Variants in ZNF792 observed in about 807,000 individuals in gnomAD.
ZNF792 encodes zinc finger protein 792.
A neutral mutation model predicts 13.1 loss-of-function variants in ZNF792; 14 were observed. That is an observed-to-expected ratio of 1.07 (90% confidence interval 0.71 to 1.67). The LOEUF (loss-of-function observed/expected upper bound fraction) is 1.67, where lower values mean the gene tolerates loss of function less well. Among genes scored for constraint, ZNF792 ranks in the 40% most tolerant of loss-of-function variants. The probability of loss-of-function intolerance (pLI) is 0.00; values close to 1 mark genes in which losing one functional copy is unlikely to be tolerated. For synonymous variants in ZNF792, 257 were observed against 292.0 expected, an observed-to-expected ratio of 0.88 and a Z score of 1.22; for missense variants, 740 against 807.9, an observed-to-expected ratio of 0.92 and a Z score of 1.02.
At chr19:34,960,123 G>C in intron 3 of ZNF792, 112 bp downstream of exon 3, 1 of 1,452,762 alleles carries the variant, frequency 6.9e-7, no homozygotes, top group Non-Finnish European at 9.4e-7. Context: ...GCAGAGACGT[G>C]GTCTGGCTAC....
Position 34,958,760 on chromosome 19 carries a change from T to G in ZNF792, c.1095A>C (p.Pro365=). Residue 365 remains proline, a synonymous_variant, in exon 4 of 4, where the codon CCA becomes CCC. Transcript: ENST00000404801. ...ACTTCCCACAGTCGCTGCACTCATA[T>G]GGCTTTTCACCAGTGTGAACCCTCT... ...QHKRVHTGEK[P]YECSDCGKFF... 1.9e-6 allele frequency: 3 copies of G among 1,613,646 alleles called. No homozygotes were observed. Among genetic ancestry groups the G allele is most frequent in the Non-Finnish European group, 2.5e-6 (3 of 1,179,870 alleles).
In ZNF792 at chr19:34,960,988, C is replaced by T. The variant is rs745817323; in HGVS notation, c.40G>A (p.Val14Met). The T allele has an allele frequency of 1.1e-5, 18 of 1,612,722 alleles. No individual in the cohort carries two copies. In the East Asian group the frequency reaches 1.3e-4, roughly 12 times the overall value. Residue 14 changes from valine to methionine, a missense_variant, in exon 2 of 4, where the codon GTG (valine) becomes ATG (methionine). Coordinates refer to ENST00000404801, the MANE Select transcript of ZNF792 (RefSeq NM_175872.5). Reference sequence around the variant, plus strand: ...TAAATGGTCACGTCCTCAAAGGTCACGCAGCCCTGCCATGATGGGGACAGT... The same window carrying T: ...TAAATGGTCACGTCCTCAAAGGTCATGCAGCCCTGCCATGATGGGGACAGT... ...AALRDPAQGC[V>M]TFEDVTIYFS...
Position 34,963,750 on chromosome 19 carries a change from C to T in ZNF792, c.-88G>A. On this transcript the variant is annotated 5_prime_UTR_variant, in exon 1 of 4. Transcript: ENST00000404801. ...CTCGCAGGCTGAGGCTACCACCCACCTGGCCGTGCCCCAGACGAGGTGTGA... is the reference window on the plus strand; with the variant it reads ...CTCGCAGGCTGAGGCTACCACCCACTTGGCCGTGCCCCAGACGAGGTGTGA... 7.2e-7 allele frequency: 1 copy of T among 1,394,148 alleles called. No homozygotes were observed. The highest frequency in any genetic ancestry group is 9.6e-7 in the Non-Finnish European group (1 of 1,041,716). The allele number at this position is 1,394,148 out of a possible 1,614,324, so 86.4% of individuals were successfully genotyped here. A position where few individuals can be genotyped will look rare whatever the true frequency, so the allele number is the denominator to read the frequency against.
At chr19:34,962,020 A>G (rs2013534956) in intron 1 of ZNF792, among the ~76,000 whole-genome samples, 1 of 151,972 alleles carries the variant, frequency 6.6e-6, no homozygotes, top group African/African-American at 2.4e-5. Context: ...CCCCTCCATC[A>G]CCACCATGAC....
chr19:34,963,665 G>A lies in ZNF792; in HGVS notation c.-3C>T, dbSNP rs1449150409. On this transcript the variant is annotated 5_prime_UTR_variant, in exon 1 of 4. Coordinates refer to ENST00000404801, the MANE Select transcript of ZNF792 (RefSeq NM_175872.5). ...TCCCGCAGCGCCGCCGCTGCCATCGGAGTCTGTGGTCAGAGCAGGGCCCCA... is the reference window on the plus strand; with the variant it reads ...TCCCGCAGCGCCGCCGCTGCCATCGAAGTCTGTGGTCAGAGCAGGGCCCCA... The A allele has an allele frequency of 2.5e-6, 4 of 1,601,884 alleles. No homozygotes were observed. The African/African-American group carries it at 5.4e-5, about 21-fold the overall frequency.
chr19:34,958,422 T>TA lies in ZNF792; in HGVS notation c.1432dup (p.Tyr478LeufsTer2). On this transcript the variant is annotated frameshift_variant, in exon 4 of 4. Transcript: ENST00000404801. LOFTEE classifies it low-confidence loss of function (END_TRUNC). ...TAACTTCCCACATTCATTGCATTCA[T>TA]AAGGCCGCTCACCAGTGTGAACTCG... The TA allele has an allele frequency of 1.9e-6, 3 of 1,613,106 alleles. No homozygotes were observed. Among genetic ancestry groups the TA allele is most frequent in the Non-Finnish European group, 8.5e-7 (1 of 1,179,420 alleles).
In ZNF792 at chr19:34,958,984, A is replaced by G; in HGVS notation, c.871T>C (p.Phe291Leu). Residue 291 changes from phenylalanine (F) to leucine (L), a missense_variant, in exon 4 of 4, where the codon TTC becomes CTC. Phe to Leu is a conservative substitution (Grantham distance 22). Coordinates refer to ENST00000404801, the MANE Select transcript of ZNF792 (RefSeq NM_175872.5). ...PYECSKCGIFFTYAADLTQHQ... is the reference protein window; with the variant it reads ...PYECSKCGIFLTYAADLTQHQ... Reference sequence around the variant, plus strand: ...TGAGTGAGGTCAGCGGCGTAAGTGAAGAAGATTCCACATTTGCTGCATTCA... The same window carrying G: ...TGAGTGAGGTCAGCGGCGTAAGTGAGGAAGATTCCACATTTGCTGCATTCA... 1 of 1,614,144 alleles carries G rather than the reference A, an allele frequency of 6.2e-7. No individual in the cohort carries two copies. The highest frequency in any genetic ancestry group is 8.5e-7 in the Non-Finnish European group (1 of 1,179,954).
Position 34,959,229 on chromosome 19 carries a change from A to G in ZNF792, c.626T>C (p.Leu209Pro). ...CTTCCCACCCTCCCTGCAGGTGGAA[A>G]GCTGATCTGATGTGTGGTCTCTGCA... Reference protein sequence around the residue: ...KTCRDHTSDQLSTCREGGKDF... With the variant: ...KTCRDHTSDQPSTCREGGKDF... The change falls in exon 4 of 4, where the codon CTT becomes CCT. Residue 209 changes from leucine (L) to proline (P), a missense_variant. Coordinates refer to ENST00000404801, the MANE Select transcript of ZNF792 (RefSeq NM_175872.5). 6.2e-7 allele frequency: 1 copy of G among 1,614,004 alleles called. No homozygotes were observed. The highest frequency in any genetic ancestry group is 8.5e-7 in the Non-Finnish European group (1 of 1,179,902).
At chr19:34,960,469 G>T in intron 2 of ZNF792, 112 bp from the exon 3 acceptor site, 1 of 1,357,358 alleles carries the variant, frequency 7.4e-7, no homozygotes, top group Non-Finnish European at 1.0e-6. Context: ...GGTGGTCACG[G>T]CAAGCAGTAA....
At position 34,963,823 on chromosome 19, in the gene ZNF792, A is replaced by C. The variant is rs1028014702; in HGVS notation, c.-161T>G. 93 of 809,060 alleles carry C rather than the reference A, an allele frequency of 1.1e-4. 1 individual carries two copies. The East Asian group carries it at 2.7e-3, about 24-fold the overall frequency. The allele number at this position is 809,060 out of a possible 1,614,324, so 50.1% of individuals were successfully genotyped here. A position where few individuals can be genotyped will look rare whatever the true frequency, so the allele number is the denominator to read the frequency against. ...CTAGCCTCAGTCTCCCCCGTGCAAA[A>C]TGCGCAAGGGGCCCGGGGCGCAGGC... On this transcript the variant is annotated 5_prime_UTR_variant, in exon 1 of 4. Transcript: ENST00000404801.
intron 1 of ZNF792, among the ~76,000 whole-genome samples, chr19:34,961,843 G>T (rs181290102): frequency 2.7e-3 from 415 of 152,226 alleles, no homozygotes; most frequent in Non-Finnish European, 5.2e-3. Context: ...CCCATCAAGG[G>T]TCACCACAGA....
At chr19:34,960,533 G>C in intron 2 of ZNF792, 176 bp from the exon 3 acceptor site, 1 of 824,072 alleles carries the variant, frequency 1.2e-6, no homozygotes, top group Non-Finnish European at 1.9e-6. Context: ...ATATTAGCAA[G>C]AGGAAAGGCA....
At chr19:34,962,332 T>G (rs1248709223) in intron 1 of ZNF792, among the ~76,000 whole-genome samples, 2 of 148,654 alleles carry the variant, frequency 1.3e-5, no homozygotes, top group African/African-American at 2.5e-5. Context: ...AGTGGGAGAG[T>G]TTTATAGCAA....
chr19:34,961,145 C>T (rs115496632), intron 1 of ZNF792, among the ~76,000 whole-genome samples, 151 bp from the exon 2 acceptor site: 1 of 152,220 alleles, frequency 6.6e-6, no homozygotes, highest in African/African-American at 2.4e-5. Context: ...TGTGTCAGCC[C>T]GCAGCAGCAA....
chr19:34,958,504 C>A lies in ZNF792; in HGVS notation c.1351G>T (p.Gly451Trp). Residue 451 changes from glycine to tryptophan, a missense_variant, in exon 4 of 4, where the codon GGG becomes TGG. By Grantham distance (184) the Gly-to-Trp change is radical. Coordinates refer to ENST00000404801, the MANE Select transcript of ZNF792 (RefSeq NM_175872.5). ...AAGGCTTTCCCACACTCACCACACC[C>A]GTGAGGCCGCTCGCCAGTGTGAACT... ...QIVHTGERPH[G>W]CGECGKAFSR... 6.3e-7 allele frequency: 1 copy of A among 1,593,276 alleles called. No individual in the cohort carries two copies. Among genetic ancestry groups the A allele is most frequent in the Non-Finnish European group, 8.6e-7 (1 of 1,168,578 alleles).
chr19:34,960,387 CA>C, intron 2 of ZNF792, 30 bp from the exon 3 acceptor site: 1 of 1,606,780 alleles, frequency 6.2e-7, no homozygotes, highest in African/African-American at 1.3e-5. Flanking sequence ...GGTCAGTGGC[CA>C]GCACCTGCCC....
Position 34,960,982 on chromosome 19 carries a change from A to T in ZNF792, c.46T>A (p.Phe16Ile), listed in dbSNP as rs562981835. The T allele has an allele frequency of 6.2e-7, 1 of 1,613,434 alleles. No homozygotes were observed. Among genetic ancestry groups the T allele is most frequent in the African/African-American group, 1.3e-5 (1 of 74,986 alleles). Residue 16 changes from phenylalanine (F) to isoleucine (I), a missense_variant, in exon 2 of 4, where the codon TTT becomes ATT. Transcript: ENST00000404801. ...LRDPAQGCVT[F>I]EDVTIYFSQE... The stretch of plus-strand genomic sequence containing the variant: ...GAGAAGTAAATGGTCACGTCCTCAA[A>T]GGTCACGCAGCCCTGCCATGATGGG...
Position 34,957,295 on chromosome 19 carries a change from C to T in ZNF792, c.*661G>A, listed in dbSNP as rs775404933. ...CGCCATTCAGACCACAATATTATAC[C>T]CATAAATTCCTACAATTTTTCCTAG... On this transcript the variant is annotated 3_prime_UTR_variant, in exon 4 of 4. Transcript: ENST00000404801. The T allele has an allele frequency of 6.6e-6, 1 of 152,154 alleles. No homozygotes were observed. The highest frequency in any genetic ancestry group is 1.5e-5 in the Non-Finnish European group (1 of 68,036). 9.4% of individuals were successfully genotyped at this position (152,154 alleles called of 1,614,324 possible).
intron 1 of ZNF792, among the ~76,000 whole-genome samples, chr19:34,961,377 G>A (rs1367800228): frequency 6.6e-6 from 1 of 152,126 alleles, no homozygotes; most frequent in Non-Finnish European, 1.5e-5. Flanking sequence ...CACAGCTCCA[G>A]ACCTTCACCA....
Sources: gnomAD v4.1 joint callset for allele counts (sites outside exome capture counted in the v4.1 genomes callset) on GRCh38, gnomAD v4.1.1 for gene constraint, MANE v1.5 for transcripts, NCBI Gene and HGNC (gene_info 2026-07-23, HGNC 2026-07-21) for gene names.